Variants in GRIP1 observed in about 807,000 individuals in gnomAD.
GRIP1 encodes the protein glutamate receptor interacting protein 1, also known as glutamate receptor-interacting protein 1.
Under a neutral mutation model 129.9 loss-of-function variants are expected in GRIP1, and 45 were observed. That is an observed-to-expected ratio of 0.35 (90% CI 0.27 to 0.44). The LOEUF (loss-of-function observed/expected upper bound fraction) is 0.44. Ranked by LOEUF, GRIP1 falls within the 20% of genes least tolerant of loss-of-function variation. The probability of loss-of-function intolerance (pLI) is 1.00; values close to 1 mark genes in which losing one functional copy is unlikely to be tolerated. For missense variants in GRIP1, 1,196 were observed against 1,396.8 expected (o/e 0.86, Z 2.29); for synonymous variants, 530 against 520.8 (o/e 1.02, Z -0.24).
chr12:66,530,683 C>T (rs1009816561), intron 4 of GRIP1, among the ~76,000 whole-genome samples: 1 of 151,984 alleles, frequency 6.6e-6, no homozygotes, highest in Middle Eastern at 3.4e-3. Context: ...AGATTGCTTA[C>T]AAGAACCTGT....
At chr12:66,926,763 T>C (rs187659141) in intron 1 of GRIP1, among the ~76,000 whole-genome samples, 2 of 152,336 alleles carry the variant, frequency 1.3e-5, no homozygotes, top group African/African-American at 2.4e-5. Context: ...CAGCATGGAA[T>C]AGTGAGACAA....
chr12:66,561,323 AAG>A (rs1171906929), intron 2 of GRIP1, among the ~76,000 whole-genome samples: 1 of 152,154 alleles, frequency 6.6e-6, no homozygotes, highest in Non-Finnish European at 1.5e-5. Context: ...AAATAACTAA[AAG>A]AGTATAATTG....
intron 1 of GRIP1, among the ~76,000 whole-genome samples, chr12:66,815,840 CTTTCTTTCTT>C (rs1463670553): frequency 4.8e-5 from 2 of 41,758 alleles, no homozygotes; most frequent in South Asian, 1.7e-3. Flanking sequence ...TTCTTTCTTT[CTTTCTTTCTT>C]TCTTTCTCTC....
intron 1 of GRIP1, among the ~76,000 whole-genome samples, chr12:66,716,178 T>C (rs529803376): frequency 1.3e-4 from 20 of 152,220 alleles, no homozygotes; most frequent in African/African-American, 4.8e-4. Flanking sequence ...TTGAGAAGCA[T>C]TAAAAAAAGA....
At chr12:66,472,813 A>G (rs1463818232) in intron 7 of GRIP1, among the ~76,000 whole-genome samples, 1 of 152,170 alleles carries the variant, frequency 6.6e-6, no homozygotes, top group Non-Finnish European at 1.5e-5. Flanking sequence ...CGCTTTTCCC[A>G]TGGTCTTCAT....
At chr12:66,658,880 T>C (rs1487507725) in intron 1 of GRIP1, among the ~76,000 whole-genome samples, 3 of 151,730 alleles carry the variant, frequency 2.0e-5, no homozygotes, top group Non-Finnish European at 4.4e-5. Flanking sequence ...GCCATGATCA[T>C]GCCATTGCAC....
At chr12:66,457,831 G>A (rs1437844763) in intron 9 of GRIP1, among the ~76,000 whole-genome samples, 3 of 152,112 alleles carry the variant, frequency 2.0e-5, no homozygotes, top group Admixed American at 6.5e-5. Flanking sequence ...CTTCCTCTTT[G>A]TATGACCTTG....
chr12:66,668,792 A>C (rs2033927289), intron 1 of GRIP1, among the ~76,000 whole-genome samples: 1 of 151,630 alleles, frequency 6.6e-6, no homozygotes. Flanking sequence ...AATAATAATA[A>C]TACCAGCATG....
intron 1 of GRIP1, among the ~76,000 whole-genome samples, chr12:66,933,084 C>T (rs1035670769): frequency 6.6e-6 from 1 of 152,146 alleles, no homozygotes; most frequent in African/African-American, 2.4e-5. Context: ...AGCCTTTAGC[C>T]TAATTTTTCT....
intron 1 of GRIP1, among the ~76,000 whole-genome samples, chr12:66,748,578 T>C (rs2037026034): frequency 6.6e-6 from 1 of 152,174 alleles, no homozygotes; most frequent in East Asian, 1.9e-4. Context: ...GAGAACACTG[T>C]ATGTGTCTAG....
intron 13 of GRIP1, among the ~76,000 whole-genome samples, chr12:66,443,726 G>T (rs185532044): frequency 6.6e-5 from 10 of 152,258 alleles, no homozygotes; most frequent in African/African-American, 2.4e-4. Context: ...AAAATGCTGG[G>T]ATTAAAGGCA....
upstream of GRIP1, among the ~76,000 whole-genome samples, chr12:66,805,985 T>C (rs1244965492): frequency 5.3e-5 from 8 of 151,168 alleles, no homozygotes; most frequent in South Asian, 2.1e-4. Context: ...TTTCTTTTTT[T>C]TTTTTTTGGT....
intron 1 of GRIP1, among the ~76,000 whole-genome samples, chr12:67,047,179 T>A (rs148437108): frequency 6.6e-6 from 1 of 152,196 alleles, no homozygotes; most frequent in Non-Finnish European, 1.5e-5. Context: ...GTTTTAATTA[T>A]ATTAAATTGT....
intron 1 of GRIP1, among the ~76,000 whole-genome samples, chr12:66,968,446 T>C (rs1486610229): frequency 6.6e-6 from 1 of 152,092 alleles, no homozygotes; most frequent in Non-Finnish European, 1.5e-5. Context: ...TTCTCCCCTC[T>C]TGTTCTTCTT....
chr12:66,564,828 G>A lies in GRIP1; in HGVS notation c.137-22878C>T, dbSNP rs575287347. Among the ~76,000 whole-genome samples the A allele has an allele frequency of 2.6e-4, 39 of 152,318 alleles. No homozygotes were observed. The South Asian group carries it at 2.7e-3, about 11-fold the overall frequency. Reference sequence around the variant, plus strand: ...TTTAATGATCGCCATTCTAACTGGTGTGAGATGGTATCTCCTTGTGGTTTT... The same window carrying A: ...TTTAATGATCGCCATTCTAACTGGTATGAGATGGTATCTCCTTGTGGTTTT... On this transcript the variant is annotated intron_variant, in intron 2 of 24. Coordinates refer to ENST00000359742, the MANE Select transcript of GRIP1 (RefSeq NM_001366722.1).
intron 1 of GRIP1, among the ~76,000 whole-genome samples, chr12:66,965,499 G>A (rs2041982985): frequency 6.7e-6 from 1 of 149,768 alleles, no homozygotes; most frequent in Non-Finnish European, 1.5e-5. Flanking sequence ...GGGGGTTTTA[G>A]TTGAGGTTTA....
At chr12:66,609,404 A>C (rs554256894) in intron 1 of GRIP1, among the ~76,000 whole-genome samples, 1 of 152,264 alleles carries the variant, frequency 6.6e-6, no homozygotes, top group East Asian at 1.9e-4. Context: ...TATTTAAGCT[A>C]TGGGCTATCA....
At chr12:66,930,056 T>TCTCTCTC (rs1555253100) in intron 1 of GRIP1, among the ~76,000 whole-genome samples, 4 of 55,600 alleles carry the variant, frequency 7.2e-5, no homozygotes, top group Non-Finnish European at 1.1e-4. Flanking sequence ...TCTCTCTCTC[T>TCTCTCTC]TTTTTTTTTT....
Position 66,456,187 on chromosome 12 carries a change from G to C in GRIP1, c.1198C>G (p.Pro400Ala). The C allele has an allele frequency of 7.8e-7, 1 of 1,286,250 alleles. No homozygotes were observed. The highest frequency in any genetic ancestry group is 1.2e-5 in the South Asian group (1 of 80,922). The allele number at this position is 1,286,250 out of a possible 1,614,324, so 79.7% of individuals were successfully genotyped here. ...FPKAPPPNSPPALVSSSFSPT... is the reference protein window; with the variant it reads ...FPKAPPPNSPAALVSSSFSPT... The stretch of plus-strand genomic sequence containing the variant: ...AGGAGGAGAAAGCATGGAACATTAC[G>C]AGGGCTGTTTGGAGGAGGTGCTTTC... The change falls in exon 10 of 25, where the codon CCA (proline) becomes GCA (alanine). Residue 400 changes from proline (P) to alanine (A), a missense_variant and splice_region_variant. This residue lies in a region of GRIP1 where 508 missense variants were observed against 587.0 expected (regional missense o/e 0.87). Coordinates refer to ENST00000359742, the MANE Select transcript of GRIP1 (RefSeq NM_001366722.1).
Sources: gnomAD v4.1 joint callset for allele counts (sites outside exome capture counted in the v4.1 genomes callset) on GRCh38, gnomAD v4.1.1 for gene constraint, gnomAD v4.1.1 regional missense constraint, MANE v1.5 for transcripts, NCBI Gene and HGNC (gene_info 2026-07-23, HGNC 2026-07-21) for gene names.